Variants in NFIX observed in about 807,000 individuals in gnomAD.
NFIX encodes the protein nuclear factor I X.
NFIX carries 2 observed loss-of-function variants against 53.3 expected under a neutral mutation model. The ratio of observed to expected loss-of-function variants is 0.04; its 90% CI spans 0.02 to 0.12. The LOEUF (loss-of-function observed/expected upper bound fraction) is 0.12. Among genes scored for constraint, NFIX ranks in the 10% least tolerant of loss-of-function variants. The probability of loss-of-function intolerance (pLI) is 1.00; values close to 1 mark genes in which losing one functional copy is unlikely to be tolerated. For missense variants in NFIX, 310 were observed against 674.5 expected (o/e 0.46, Z 5.99); for synonymous variants, 244 against 289.0 (o/e 0.84, Z 1.58).
Position 13,012,588 on chromosome 19 carries a change from G to A in NFIX, c.28-12433G>A, listed in dbSNP as rs2012420811. Among the ~76,000 whole-genome samples, 1 of 152,232 alleles carries A rather than the reference G, an allele frequency of 6.6e-6. No individual in the cohort carries two copies. Among genetic ancestry groups the A allele is most frequent in the Non-Finnish European group, 1.5e-5 (1 of 68,042 alleles). On this transcript the variant is annotated intron_variant, in intron 1 of 10. Transcript: ENST00000592199. The surrounding 1 kb of genome is among the most constrained non-coding windows in gnomAD (Gnocchi z 5.0). ...GCCTTAAGGCTAGTTTGTCCCCCAGGCGCGCGGGGGTTGGGGGTTCAGGGC... is the reference window on the plus strand; with the variant it reads ...GCCTTAAGGCTAGTTTGTCCCCCAGACGCGCGGGGGTTGGGGGTTCAGGGC...
chr19:13,082,093 C>T (rs1462884748), intron 8 of NFIX: 3 of 540,958 alleles, frequency 5.5e-6, no homozygotes, highest in Non-Finnish European at 9.9e-6. Flanking sequence ...GGCCCCCTTG[C>T]TCAGTCAGGC....
At chr19:13,018,415 C>A (rs1455273078) in intron 1 of NFIX, among the ~76,000 whole-genome samples, 2 of 148,348 alleles carry the variant, frequency 1.3e-5, no homozygotes, top group African/African-American at 5.0e-5. Context: ...AGACCCAGCA[C>A]TGGGGTGTGG....
chr19:13,067,498 GTGTGTGTA>G lies in NFIX; in HGVS notation c.560-5541_560-5534del, dbSNP rs769073066. Among the ~76,000 whole-genome samples, 3,982 of 151,432 alleles carry G rather than the reference GTGTGTGTA, an allele frequency of 0.026. 64 individuals carry two copies. Among genetic ancestry groups the G allele is most frequent in the Middle Eastern group, 0.079 (23 of 292 alleles). On this transcript the variant is annotated intron_variant, in intron 2 of 10. Transcript: ENST00000592199. The surrounding 1 kb of genome is among the most constrained non-coding windows in gnomAD (Gnocchi z 4.2). Reference sequence around the variant, plus strand: ...TGTGTGTGTGCGTGTGTGTGTGTGTGTGTGTGTATGTGTGTGTCTGAGTCTGAGCATAT... The same window carrying G: ...TGTGTGTGTGCGTGTGTGTGTGTGTGTGTGTGTGTCTGAGTCTGAGCATAT...
rs551003374 is a variant in NFIX, at chr19:13,040,257, A to C, written c.559+14705A>C. The stretch of plus-strand genomic sequence containing the variant: ...TGGGCTCAGCCCACCCCACCCTCTC[A>C]TAGGCCTTTTCTTGGTCTCCTTGGC... On this transcript the variant is annotated intron_variant, in intron 2 of 10. Coordinates refer to ENST00000592199, the MANE Select transcript of NFIX (RefSeq NM_001365902.3). This position sits in a 1 kb window ranked among gnomAD's most constrained non-coding sequence, Gnocchi z 4.2. Among the ~76,000 whole-genome samples, 5 of 151,912 alleles carry C rather than the reference A, an allele frequency of 3.3e-5. No individual in the cohort carries two copies. Among genetic ancestry groups the C allele is most frequent in the Non-Finnish European group, 5.9e-5 (4 of 68,000 alleles).
chr19:13,087,730 C>T (rs1412878391), intron 8 of NFIX, among the ~76,000 whole-genome samples: 5 of 145,992 alleles, frequency 3.4e-5, no homozygotes, highest in Non-Finnish European at 7.4e-5. Context: ...ACAAACCACC[C>T]GTCGAACACC....
rs1371378677 is a variant in NFIX at position 13,094,584 on chromosome 19, G to A, written c.1495-51G>A. The A allele has an allele frequency of 2.0e-6, 3 of 1,532,504 alleles. No individual in the cohort carries two copies. Among genetic ancestry groups the A allele is most frequent in the East Asian group, 2.4e-5 (1 of 40,888 alleles). The allele number at this position is 1,532,504 out of a possible 1,614,324, so 94.9% of individuals were successfully genotyped here. A position where few individuals can be genotyped will look rare whatever the true frequency, so the allele number is the denominator to read the frequency against. On this transcript the variant is annotated intron_variant, in intron 10 of 10. Coordinates refer to ENST00000592199, the MANE Select transcript of NFIX (RefSeq NM_001365902.3). This position sits in a 1 kb window ranked among gnomAD's most constrained non-coding sequence, Gnocchi z 4.3. ...TCACTGGGCCAGGTAGGAGTGAGATGGGACCTGCCCCAGCTGTTCTCAGTA... is the reference window on the plus strand; with the variant it reads ...TCACTGGGCCAGGTAGGAGTGAGATAGGACCTGCCCCAGCTGTTCTCAGTA...
At position 13,037,446 on chromosome 19, in the gene NFIX, G is replaced by A. The variant is rs186752395; in HGVS notation, c.559+11894G>A. Among the ~76,000 whole-genome samples, 9 of 152,308 alleles carry A rather than the reference G, an allele frequency of 5.9e-5. No homozygotes were observed. Among genetic ancestry groups the A allele is most frequent in the Admixed American group, 1.3e-4 (2 of 15,306 alleles). Reference sequence around the variant, plus strand: ...GGAAGTAATGGCGCTGAGAGATGGCGCCTGGGGAAGAAAGAGGAGACAAGG... The same window carrying A: ...GGAAGTAATGGCGCTGAGAGATGGCACCTGGGGAAGAAAGAGGAGACAAGG... On this transcript the variant is annotated intron_variant, in intron 2 of 10. Coordinates refer to ENST00000592199, the MANE Select transcript of NFIX (RefSeq NM_001365902.3). This position sits in a 1 kb window ranked among gnomAD's most constrained non-coding sequence, Gnocchi z 4.2.
intron 1 of NFIX, among the ~76,000 whole-genome samples, chr19:13,020,489 G>A (rs1436042821): frequency 2.0e-5 from 3 of 152,316 alleles, no homozygotes; most frequent in African/African-American, 7.2e-5. Flanking sequence ...CTCCAGAAAG[G>A]CCTCCTCCAC....
At chr19:13,079,427 G>A (rs1234244592) in intron 7 of NFIX, among the ~76,000 whole-genome samples, 1 of 152,204 alleles carries the variant, frequency 6.6e-6, no homozygotes, top group Non-Finnish European at 1.5e-5. Flanking sequence ...CAGGCAGGAG[G>A]CTGTGGGAGC....
intron 5 of NFIX, 25 bp from the exon 6 acceptor site, chr19:13,075,510 A>G (rs1454373996): frequency 3.1e-6 from 5 of 1,612,382 alleles, no homozygotes; most frequent in South Asian, 2.2e-5. Flanking sequence ...TCCTTGGCCC[A>G]TGTGACCCTT....
chr19:13,006,462 C>A lies in NFIX; in HGVS notation c.27+10598C>A, dbSNP rs1422707082. On this transcript the variant is annotated intron_variant, in intron 1 of 10. Transcript: ENST00000592199. This position sits in a 1 kb window ranked among gnomAD's most constrained non-coding sequence, Gnocchi z 5.6. ...GCCCAAAATCTGGGGACAAGATGGC[C>A]GAGGCCTTTCCTTTACAGAAACTGG... 1.3e-5 allele frequency among the ~76,000 whole-genome samples: 2 copies of A among 152,172 alleles called. No individual in the cohort carries two copies. The highest frequency in any genetic ancestry group is 2.9e-5 in the Non-Finnish European group (2 of 68,028).
At chr19:13,083,086 G>C (rs879726006) in intron 8 of NFIX, among the ~76,000 whole-genome samples, 3 of 152,160 alleles carry the variant, frequency 2.0e-5, no homozygotes, top group Non-Finnish European at 4.4e-5. Flanking sequence ...TGCCCATCGA[G>C]GGTTTCTCTT....
In NFIX at chr19:13,052,873, C is replaced by T. The variant is rs535511106; in HGVS notation, c.560-20174C>T. On this transcript the variant is annotated intron_variant, in intron 2 of 10. Coordinates refer to ENST00000592199, the MANE Select transcript of NFIX (RefSeq NM_001365902.3). This position sits in a 1 kb window ranked among gnomAD's most constrained non-coding sequence, Gnocchi z 5.2. ...TTCTGCCTGGCACTGCAGCCCAAGT[C>T]CCCAGGAGTCTGTGTCTTCCCATGT... 1.7e-3 allele frequency among the ~76,000 whole-genome samples: 264 copies of T among 152,308 alleles called. 1 individual carries two copies. The highest frequency in any genetic ancestry group is 3.0e-3 in the Non-Finnish European group (205 of 68,026).
In NFIX at chr19:13,037,977, C is replaced by T. The variant is rs192553150; in HGVS notation, c.559+12425C>T. On this transcript the variant is annotated intron_variant, in intron 2 of 10. Coordinates refer to ENST00000592199, the MANE Select transcript of NFIX (RefSeq NM_001365902.3). The surrounding 1 kb of genome is among the most constrained non-coding windows in gnomAD (Gnocchi z 4.2). ...TGCTGTGCGTGGTCTCTCCTCAGGA[C>T]GCCTCTTGCCTCTGCTAGCAGAGTG... 1.8e-4 allele frequency among the ~76,000 whole-genome samples: 27 copies of T among 152,264 alleles called. No homozygotes were observed. The East Asian group carries it at 3.5e-3, about 20-fold the overall frequency.
At chr19:13,061,080 A>G (rs902970855) in intron 2 of NFIX, among the ~76,000 whole-genome samples, 3 of 137,656 alleles carry the variant, frequency 2.2e-5, no homozygotes, top group African/African-American at 8.7e-5. Flanking sequence ...ACGTGGCCTT[A>G]GACCCCCCCC....
rs556315380 is a variant in NFIX, at chr19:13,057,833, C to A, written c.560-15214C>A. 2.6e-5 allele frequency among the ~76,000 whole-genome samples: 4 copies of A among 152,278 alleles called. No individual in the cohort carries two copies. The East Asian group carries it at 5.8e-4, about 22-fold the overall frequency. On this transcript the variant is annotated intron_variant, in intron 2 of 10. Transcript: ENST00000592199. ...GCCCCTCCCTTCCTCCCTCCCTCCC[C>A]GCAACCGAGGCCCTAGTCTATACTA...
chr19:12,998,201 C>A lies in NFIX; in HGVS notation c.27+2337C>A, dbSNP rs2011536704. 1.3e-5 allele frequency among the ~76,000 whole-genome samples: 2 copies of A among 152,068 alleles called. No individual in the cohort carries two copies. ...TCCATCTCTCTTTCTCCATCTCTGT[C>A]CTTTTGTATGTCTCTGACTGTCTCT... On this transcript the variant is annotated intron_variant, in intron 1 of 10. Transcript: ENST00000592199. This position sits in a 1 kb window ranked among gnomAD's most constrained non-coding sequence, Gnocchi z 4.4.
chr19:13,062,496 G>A (rs536202029), intron 2 of NFIX, among the ~76,000 whole-genome samples: 37 of 152,262 alleles, frequency 2.4e-4, no homozygotes, highest in Non-Finnish European at 3.5e-4. Context: ...CAACAGAGAG[G>A]GCTTGTCCTC....
At chr19:13,017,617 G>T (rs2012737463) in intron 1 of NFIX, among the ~76,000 whole-genome samples, 1 of 152,172 alleles carries the variant, frequency 6.6e-6, no homozygotes, top group Non-Finnish European at 1.5e-5. Context: ...GAAGACCTCT[G>T]CCTTTTGGGT....
Sources: gnomAD v4.1 joint callset for allele counts (sites outside exome capture counted in the v4.1 genomes callset) on GRCh38, gnomAD v4.1.1 for gene constraint, Gnocchi (gnomAD v3.1) non-coding constraint, MANE v1.5 for transcripts, NCBI Gene and HGNC (gene_info 2026-07-23, HGNC 2026-07-21) for gene names.